The following UBE2O variants were observed in gnomAD, a reference collection of about 807,000 sequenced individuals.
The protein encoded by UBE2O is (E3-independent) E2 ubiquitin-conjugating enzyme.
Under a neutral mutation model 125.8 loss-of-function variants are expected in UBE2O, and 15 were observed. The ratio of observed to expected loss-of-function variants is 0.12; its 90% confidence interval spans 0.08 to 0.18. The LOEUF (loss-of-function observed/expected upper bound fraction) is 0.18, where lower values mean the gene tolerates loss of function less well. UBE2O is among the 10% of genes least tolerant of loss of function. The pLI is 1.00. For synonymous variants in UBE2O, 708 were observed against 703.2 expected, an observed-to-expected ratio of 1.01 and a Z score of -0.11; for missense variants, 1,280 against 1,723.6, an observed-to-expected ratio of 0.74 and a Z score of 4.56.
Position 76,452,911 on chromosome 17 carries a change from C to G in UBE2O, c.231G>C (p.Gly77=). Reference sequence around the variant, plus strand: ...CCTCGCCGTGGATGAGGCGCACCAGCCCGAAGTGCACGGAGCCACGGTAAC... The same window carrying G: ...CCTCGCCGTGGATGAGGCGCACCAGGCCGAAGTGCACGGAGCCACGGTAAC... ...SGRYRGSVHF[G]LVRLIHGEDS... is the part of the protein sequence containing the mutation. The change falls in exon 1 of 18, where the codon GGG becomes GGC. Residue 77 remains glycine, a synonymous_variant. Transcript: ENST00000319380. The surrounding 1 kb of genome is among the most constrained non-coding windows in gnomAD (Gnocchi z 4.4). 1 of 1,497,450 alleles carries G rather than the reference C, an allele frequency of 6.7e-7. No homozygotes were observed. The highest frequency in any genetic ancestry group is 8.9e-7 in the Non-Finnish European group (1 of 1,122,764). The allele number at this position is 1,497,450 out of a possible 1,614,324, so 92.8% of individuals were successfully genotyped here.
In UBE2O at chr17:76,391,280, C is replaced by A. The variant is rs991126997; in HGVS notation, c.3542G>T (p.Gly1181Val). 7 of 1,612,596 alleles carry A rather than the reference C, an allele frequency of 4.3e-6. No individual in the cohort carries two copies. The African/African-American group carries it at 5.3e-5, about 12-fold the overall frequency. ...PPAVAELSDS[G>V]QQEPEDGGPA... ...CCCTCCATCCTCAGGTTCTTGTTGG[C>A]CGGAGTCTGACAGCTCGGCTACAGC... Residue 1181 changes from glycine to valine, a missense_variant, in exon 18 of 18, where the codon GGC (glycine) becomes GTC (valine). Physicochemically the swap from Gly to Val is moderately radical, Grantham distance 109. This residue lies in a region of UBE2O where 233 missense variants were observed against 279.0 expected (regional missense o/e 0.84). Coordinates refer to ENST00000319380, the MANE Select transcript of UBE2O (RefSeq NM_022066.4). The surrounding 1 kb of genome is among the most constrained non-coding windows in gnomAD (Gnocchi z 8.4).
intron 1 of UBE2O, among the ~76,000 whole-genome samples, chr17:76,451,499 G>A (rs906728660): frequency 6.6e-6 from 1 of 152,134 alleles, no homozygotes; most frequent in African/African-American, 2.4e-5. Context: ...TCTGCCTCTA[G>A]GAAATGGATC....
chr17:76,442,748 C>G (rs2073093327), intron 1 of UBE2O, among the ~76,000 whole-genome samples: 1 of 152,124 alleles, frequency 6.6e-6, no homozygotes, highest in East Asian at 1.9e-4. Flanking sequence ...GAGGCTGGGT[C>G]CTGACACAAT....
At chr17:76,401,983 G>A in intron 5 of UBE2O, 81 bp downstream of exon 5, 2 of 1,468,980 alleles carry the variant, frequency 1.4e-6, no homozygotes, top group East Asian at 2.3e-5. Context: ...GTTTAGCTGG[G>A]TCCAGGTCTT....
chr17:76,401,112 C>T lies in UBE2O; in HGVS notation c.793G>A (p.Val265Met), dbSNP rs1448505704. ...AAGATCTTGGCAGGGCCAATGAGCA[C>T]CTGGCCTGGGTAGAAGCCATAGGAA... ...DDSYGFYPGQVLIGPAKIFSS... is the reference protein window; with the variant it reads ...DDSYGFYPGQMLIGPAKIFSS... The change falls in exon 6 of 18, where the codon GTG becomes ATG. Residue 265 changes from valine (V) to methionine (M), a missense_variant. Physicochemically the swap from Val to Met is conservative, Grantham distance 21. This residue lies in a region of UBE2O where 206 missense variants were observed against 315.7 expected (regional missense o/e 0.65). Coordinates refer to ENST00000319380, the MANE Select transcript of UBE2O (RefSeq NM_022066.4). 6.2e-7 allele frequency: 1 copy of T among 1,613,736 alleles called. No individual in the cohort carries two copies. Among genetic ancestry groups the T allele is most frequent in the Non-Finnish European group, 8.5e-7 (1 of 1,180,052 alleles).
rs1376479665 is a variant in UBE2O, at chr17:76,402,882, G to A, written c.589-183C>T. Among the ~76,000 whole-genome samples the A allele has an allele frequency of 1.3e-5, 2 of 151,386 alleles. No homozygotes were observed. The highest frequency in any genetic ancestry group is 4.9e-5 in the African/African-American group (2 of 40,718). The stretch of plus-strand genomic sequence containing the variant: ...AGGCCCTCCCTACAAGTTCTAGGCT[G>A]CATCCCAGCTGCTCTTCCCAGTGAG... On this transcript the variant is annotated intron_variant, in intron 3 of 17. Coordinates refer to ENST00000319380, the MANE Select transcript of UBE2O (RefSeq NM_022066.4). The surrounding 1 kb of genome is among the most constrained non-coding windows in gnomAD (Gnocchi z 5.4).
chr17:76,410,448 C>G lies in UBE2O; in HGVS notation c.418-4876G>C, dbSNP rs537546317. 6.6e-6 allele frequency among the ~76,000 whole-genome samples: 1 copy of G among 152,020 alleles called. No individual in the cohort carries two copies. The highest frequency in any genetic ancestry group is 1.5e-5 in the Non-Finnish European group (1 of 68,008). ...TAACAACGCACAGGACATCCCTCAA[C>G]GAAGAATGGCGTGGCCAACGCACCC... On this transcript the variant is annotated intron_variant, in intron 1 of 17. Coordinates refer to ENST00000319380, the MANE Select transcript of UBE2O (RefSeq NM_022066.4). The surrounding 1 kb of genome is among the most constrained non-coding windows in gnomAD (Gnocchi z 4.0).
rs1403003236 is a variant in UBE2O at position 76,389,528 on chromosome 17, A to T, written c.*1415T>A. 5 of 152,052 alleles carry T rather than the reference A, an allele frequency of 3.3e-5. No individual in the cohort carries two copies. Among genetic ancestry groups the T allele is most frequent in the Non-Finnish European group, 7.4e-5 (5 of 67,980 alleles). 9.4% of individuals were successfully genotyped at this position (152,052 alleles called of 1,614,324 possible). A position where few individuals can be genotyped will look rare whatever the true frequency, so the allele number is the denominator to read the frequency against. ...GCCAACACAAAAAAAAAAAAAAAAA[A>T]AAATGCAAGTAAAAAAAAGTTTAAT... On this transcript the variant is annotated 3_prime_UTR_variant, in exon 18 of 18. Transcript: ENST00000319380.
intron 3 of UBE2O, among the ~76,000 whole-genome samples, chr17:76,403,562 G>A (rs1335056929): frequency 6.6e-6 from 1 of 152,132 alleles, no homozygotes; most frequent in Non-Finnish European, 1.5e-5. Context: ...GTGAGCCACT[G>A]CGCCCGTGAA....
chr17:76,392,949 CAA>C (rs549630873), intron 15 of UBE2O, among the ~76,000 whole-genome samples: 9 of 134,720 alleles, frequency 6.7e-5, no homozygotes, highest in Admixed American at 7.5e-5. Flanking sequence ...GACGCTATCT[CAA>C]AAAAAAAAAA....
intron 1 of UBE2O, among the ~76,000 whole-genome samples, chr17:76,435,413 C>CAT (rs1346093862): frequency 2.5e-5 from 1 of 39,482 alleles, no homozygotes; most frequent in African/African-American, 5.9e-5. Context: ...CACACACACA[C>CAT]ACATACACAC....
At chr17:76,393,944 C>T (rs748382543) in intron 15 of UBE2O, among the ~76,000 whole-genome samples, 4 of 152,244 alleles carry the variant, frequency 2.6e-5, no homozygotes, top group Non-Finnish European at 5.9e-5. Flanking sequence ...TACTTTTCTT[C>T]TCCTGAGTGA....
In UBE2O at chr17:76,402,870, A is replaced by C. The variant is rs2072353003; in HGVS notation, c.589-171T>G. Among the ~76,000 whole-genome samples the C allele has an allele frequency of 6.6e-6, 1 of 151,218 alleles. No individual in the cohort carries two copies. The highest frequency in any genetic ancestry group is 2.1e-4 in the South Asian group (1 of 4,814). On this transcript the variant is annotated intron_variant, in intron 3 of 17. Transcript: ENST00000319380. This position sits in a 1 kb window ranked among gnomAD's most constrained non-coding sequence, Gnocchi z 5.4. Reference sequence around the variant, plus strand: ...AGCTGCTGCAGCAGGCCCTCCCTACAAGTTCTAGGCTGCATCCCAGCTGCT... The same window carrying C: ...AGCTGCTGCAGCAGGCCCTCCCTACCAGTTCTAGGCTGCATCCCAGCTGCT...
At chr17:76,447,554 A>AACAT (rs745799502) in intron 1 of UBE2O, among the ~76,000 whole-genome samples, 56 of 152,264 alleles carry the variant, frequency 3.7e-4, no homozygotes, top group Admixed American at 5.2e-4. Flanking sequence ...AGACTCTGGA[A>AACAT]ACATACATAC....
chr17:76,414,934 A>T (rs2072575597), intron 1 of UBE2O, among the ~76,000 whole-genome samples: 1 of 152,156 alleles, frequency 6.6e-6, no homozygotes. Context: ...AAGGGAGGGG[A>T]CAGATGGGCA....
rs770138058 is a variant in UBE2O, at chr17:76,410,839, A to G, written c.418-5267T>C. ...GCTGCAGTCTTGAGGCTGACCCCCA[A>G]TAACACAGCAAAAGCAACTAGCTCG... On this transcript the variant is annotated intron_variant, in intron 1 of 17. Transcript: ENST00000319380. The surrounding 1 kb of genome is among the most constrained non-coding windows in gnomAD (Gnocchi z 4.0). 2.0e-5 allele frequency among the ~76,000 whole-genome samples: 3 copies of G among 152,120 alleles called. No homozygotes were observed. Among genetic ancestry groups the G allele is most frequent in the East Asian group, 1.9e-4 (1 of 5,196 alleles).
chr17:76,442,796 A>G, intron 1 of UBE2O, among the ~76,000 whole-genome samples: 1 of 152,184 alleles, frequency 6.6e-6, no homozygotes, highest in East Asian at 1.9e-4. Flanking sequence ...TTTGGAGGTC[A>G]GTTGGCGGCA....
chr17:76,399,008 G>A lies in UBE2O; in HGVS notation c.1629-17C>T, dbSNP rs372034469. 9.3e-6 allele frequency: 15 copies of A among 1,612,550 alleles called. No homozygotes were observed. Among genetic ancestry groups the A allele is most frequent in the Non-Finnish European group, 1.2e-5 (14 of 1,179,440 alleles). ...ACTGCCACCCTGCGGGTGCAGGCCA[G>A]TCAGCAGGCCATGCAAACCCCACCC... On this transcript the variant is annotated splice_polypyrimidine_tract_variant and intron_variant, in intron 9 of 17. Transcript: ENST00000319380. The surrounding 1 kb of genome is among the most constrained non-coding windows in gnomAD (Gnocchi z 6.9).
At chr17:76,416,582 C>G (rs1398647277) in intron 1 of UBE2O, among the ~76,000 whole-genome samples, 1 of 152,158 alleles carries the variant, frequency 6.6e-6, no homozygotes, top group African/African-American at 2.4e-5. Flanking sequence ...GTGGAAGAGA[C>G]ACAACCTCCC....
Sources: allele counts gnomAD v4.1 joint callset (sites outside exome capture counted in the v4.1 genomes callset), GRCh38; gene constraint gnomAD v4.1.1; regional missense constraint gnomAD v4.1.1; non-coding constraint Gnocchi (gnomAD v3.1); transcripts MANE v1.5; gene names NCBI Gene and HGNC (gene_info 2026-07-23, HGNC 2026-07-21).